The following RASAL2 variants were observed in gnomAD, a reference collection of about 807,000 sequenced individuals.
RASAL2 encodes the protein ras GTPase-activating protein nGAP.
In RASAL2, 58 loss-of-function variants were observed where a neutral mutation model predicts 128.9. The observed-to-expected ratio is 0.45, with a 90% CI of 0.36 to 0.56. RASAL2 has a LOEUF of 0.56. RASAL2 is among the 20% of genes least tolerant of loss of function. The probability of loss-of-function intolerance (pLI) is 0.00; values close to 1 mark genes in which losing one functional copy is unlikely to be tolerated. For synonymous variants in RASAL2, 561 were observed against 580.8 expected, an observed-to-expected ratio of 0.97 and a Z score of 0.49; for missense variants, 1,360 against 1,601.6, an observed-to-expected ratio of 0.85 and a Z score of 2.57.
chr1:178,358,078 A>G (rs1670903071), intron 3 of RASAL2, among the ~76,000 whole-genome samples: 1 of 151,916 alleles, frequency 6.6e-6, no homozygotes, highest in South Asian at 2.1e-4. Context: ...TCTACTAAAA[A>G]TAAGAAAATT....
intron 5 of RASAL2, among the ~76,000 whole-genome samples, chr1:178,429,665 G>A (rs531442896): frequency 8.6e-5 from 13 of 152,016 alleles, no homozygotes; most frequent in South Asian, 4.2e-4. Flanking sequence ...TTTAGCTACC[G>A]CACAAAAGGC....
chr1:178,130,839 G>A (rs1038240790), intron 1 of RASAL2, among the ~76,000 whole-genome samples: 7 of 152,136 alleles, frequency 4.6e-5, no homozygotes, highest in African/African-American at 1.7e-4. Flanking sequence ...CGGATCACGA[G>A]GTCAGGAGAT....
chr1:178,225,865 A>G (rs557882127), intron 1 of RASAL2, among the ~76,000 whole-genome samples: 6 of 152,168 alleles, frequency 3.9e-5, no homozygotes, highest in African/African-American at 7.2e-5. Context: ...TTTATGTGCT[A>G]TAGATAATCT....
intron 3 of RASAL2, among the ~76,000 whole-genome samples, chr1:178,303,445 C>T (rs767494298): frequency 7.8e-4 from 118 of 151,116 alleles, no homozygotes; most frequent in South Asian, 3.1e-3. Flanking sequence ...CTAACACTAA[C>T]GACAGCTGAT....
chr1:178,441,022 G>T (rs1020090795), intron 6 of RASAL2, among the ~76,000 whole-genome samples: 5 of 152,094 alleles, frequency 3.3e-5, no homozygotes, highest in Admixed American at 2.0e-4. Context: ...CTTTAATTTT[G>T]ATTTTTCTGA....
intron 5 of RASAL2, among the ~76,000 whole-genome samples, chr1:178,435,106 C>A (rs1557986649): frequency 6.6e-6 from 1 of 151,974 alleles, no homozygotes; most frequent in Non-Finnish European, 1.5e-5. Context: ...ATCAGGAATT[C>A]ACTGAAGCAG....
chr1:178,173,759 T>C (rs1450311406), intron 1 of RASAL2, among the ~76,000 whole-genome samples: 1 of 152,016 alleles, frequency 6.6e-6, no homozygotes, highest in Non-Finnish European at 1.5e-5. Flanking sequence ...TTTTGAAAAA[T>C]GTAGATTTTT....
intron 1 of RASAL2, among the ~76,000 whole-genome samples, chr1:178,147,295 C>T (rs779257441): frequency 6.6e-6 from 1 of 151,148 alleles, no homozygotes; most frequent in Non-Finnish European, 1.5e-5. Flanking sequence ...TAGAGACCAT[C>T]CTGGGCAACA....
At chr1:178,234,905 T>G (rs1046420875) in intron 1 of RASAL2, among the ~76,000 whole-genome samples, 2 of 152,220 alleles carry the variant, frequency 1.3e-5, no homozygotes, top group African/African-American at 2.4e-5. Flanking sequence ...CAGTGAAAAC[T>G]GAAGTAATTT....
chr1:178,372,367 C>T, intron 3 of RASAL2: 1 of 984,592 alleles, frequency 1.0e-6, no homozygotes, highest in Non-Finnish European at 1.2e-6. Flanking sequence ...ATTGTCTGAA[C>T]TTTTCTTACT....
chr1:178,378,999 A>G (rs1488416429), intron 3 of RASAL2, among the ~76,000 whole-genome samples: 1 of 152,166 alleles, frequency 6.6e-6, no homozygotes, highest in Non-Finnish European at 1.5e-5. Flanking sequence ...ATGAAAATAG[A>G]TGAAACCGAC....
rs565613460 is a variant in RASAL2 at position 178,209,845 on chromosome 1, C to T, written c.203-73719C>T. Among the ~76,000 whole-genome samples the T allele has an allele frequency of 2.6e-5, 4 of 151,582 alleles. No homozygotes were observed. In the South Asian group the frequency reaches 8.4e-4, roughly 32 times the overall value. ...TTCTAATTTCTGCCTGTTTTAGGGG[C>T]CTTCTTTCTCTTTCTTACTTCATCT... On this transcript the variant is annotated intron_variant, in intron 1 of 17. Coordinates refer to ENST00000367649, the MANE Select transcript of RASAL2 (RefSeq NM_170692.4).
At chr1:178,233,719 G>A (rs540187217) in intron 1 of RASAL2, among the ~76,000 whole-genome samples, 2 of 152,272 alleles carry the variant, frequency 1.3e-5, no homozygotes, top group Admixed American at 6.5e-5. Flanking sequence ...CCAGAACCCC[G>A]CTGCAGTATC....
At chr1:178,137,123 C>T (rs1660355304) in intron 1 of RASAL2, among the ~76,000 whole-genome samples, 1 of 152,182 alleles carries the variant, frequency 6.6e-6, no homozygotes. Flanking sequence ...AGACAGTAAG[C>T]TGCAGTTAAC....
chr1:178,104,877 G>T (rs1659031317), intron 1 of RASAL2, among the ~76,000 whole-genome samples: 1 of 152,156 alleles, frequency 6.6e-6, no homozygotes, highest in Non-Finnish European at 1.5e-5. Context: ...GTCTGCTAAA[G>T]GTCAAATCCA....
chr1:178,101,331 C>T (rs1658889479), intron 1 of RASAL2, among the ~76,000 whole-genome samples: 1 of 152,158 alleles, frequency 6.6e-6, no homozygotes, highest in Non-Finnish European at 1.5e-5. Flanking sequence ...CTTCCCTTAC[C>T]AGGTGTTAGT....
chr1:178,183,570 A>G (rs959551725), intron 1 of RASAL2, among the ~76,000 whole-genome samples: 3 of 152,182 alleles, frequency 2.0e-5, no homozygotes, highest in Admixed American at 6.5e-5. Context: ...GGAATATCAT[A>G]TTGTTAAAAT....
chr1:178,172,018 C>CCATT (rs1051127366), intron 1 of RASAL2, among the ~76,000 whole-genome samples: 13 of 151,918 alleles, frequency 8.6e-5, no homozygotes, highest in African/African-American at 1.2e-4. Context: ...TCCTTTCCTT[C>CCATT]CATTCATTCA....
At chr1:178,209,369 C>T (rs1663173656) in intron 1 of RASAL2, among the ~76,000 whole-genome samples, 1 of 152,148 alleles carries the variant, frequency 6.6e-6, no homozygotes, top group South Asian at 2.1e-4. Flanking sequence ...CAAGTAGCTT[C>T]CTAAGAAATA....
Sources: allele counts gnomAD v4.1 joint callset (sites outside exome capture counted in the v4.1 genomes callset), GRCh38; gene constraint gnomAD v4.1.1; transcripts MANE v1.5; gene names NCBI Gene and HGNC (gene_info 2026-07-23, HGNC 2026-07-21).